Variants in SLC9D1 observed in about 807,000 individuals in gnomAD.
The protein encoded by SLC9D1 is putative LAG1-interacting protein.
chr13:113,539,047 T>C, the SLC9D1 span, among the ~76,000 whole-genome samples: 5 of 152,268 alleles, frequency 3.3e-5, no homozygotes, highest in African/African-American at 1.2e-4. The surrounding 1 kb of genome is among the most constrained non-coding windows in gnomAD (Gnocchi z 4.8). Flanking sequence ...CAAGAAAATG[T>C]ATCACAAATA....
the SLC9D1 span, chr13:113,520,561 CT>C: frequency 8.0e-7 from 1 of 1,247,684 alleles, no homozygotes; most frequent in Non-Finnish European, 1.2e-6. Context: ...AATATTTTGA[CT>C]TTGGATACTT....
chr13:113,519,646 G>A, the SLC9D1 span, among the ~76,000 whole-genome samples: 1 of 152,188 alleles, frequency 6.6e-6, no homozygotes, highest in African/African-American at 2.4e-5. Flanking sequence ...CATTCCGTGT[G>A]GTGGCTTGGG....
At chr13:113,533,976 A>G in the SLC9D1 span, 373,629 of 1,217,590 alleles carry the variant, frequency 0.31, 63,354 homozygotes, top group African/African-American at 0.64. Context: ...AAAAACTGAA[A>G]GATTATTTTA....
the SLC9D1 span, chr13:113,495,770 G>A: frequency 6.2e-7 from 1 of 1,614,166 alleles, no homozygotes; most frequent in Non-Finnish European, 8.5e-7. Context: ...TTCTCCGCCA[G>A]AAGAATGCAG....
At chr13:113,534,888 T>C in the SLC9D1 span, 1 of 152,068 alleles carries the variant, frequency 6.6e-6, no homozygotes, top group African/African-American at 2.4e-5. Flanking sequence ...GAGACCATCC[T>C]GGCTAACATG....
chr13:113,517,265 C>T, the SLC9D1 span, among the ~76,000 whole-genome samples: 1 of 152,180 alleles, frequency 6.6e-6, no homozygotes, highest in Non-Finnish European at 1.5e-5. Flanking sequence ...AGGAGTCTCG[C>T]TCTGTCGCCC....
the SLC9D1 span, among the ~76,000 whole-genome samples, chr13:113,503,011 G>A: frequency 6.6e-6 from 1 of 152,248 alleles, no homozygotes; most frequent in Non-Finnish European, 1.5e-5. Flanking sequence ...ATGGCCTCTG[G>A]GAAGAACGGC....
At chr13:113,503,671 A>G in the SLC9D1 span, 1 of 776,206 alleles carries the variant, frequency 1.3e-6, no homozygotes, top group Non-Finnish European at 2.2e-6. Context: ...ACACTTGTTG[A>G]TGAATTCACT....
the SLC9D1 span, among the ~76,000 whole-genome samples, chr13:113,518,166 T>C: frequency 6.6e-6 from 1 of 152,312 alleles, no homozygotes; most frequent in East Asian, 1.9e-4. Flanking sequence ...TTAGAGAAAT[T>C]GTAATATTTC....
At chr13:113,548,265 C>T in the SLC9D1 span, 1 of 1,609,366 alleles carries the variant, frequency 6.2e-7, no homozygotes, top group Non-Finnish European at 8.5e-7. Context: ...CTGTGTGGGT[C>T]CAGTCTTCAG....
chr13:113,494,068 T>C, the SLC9D1 span, among the ~76,000 whole-genome samples: 6 of 152,254 alleles, frequency 3.9e-5, no homozygotes, highest in East Asian at 9.6e-4. Flanking sequence ...AGTATAGATA[T>C]ATAGATACAT....
chr13:113,516,984 C>T, the SLC9D1 span, among the ~76,000 whole-genome samples: 1 of 152,182 alleles, frequency 6.6e-6, no homozygotes, highest in South Asian at 2.1e-4. Flanking sequence ...CAGAGGCCTC[C>T]GTGGGCAGGG....
chr13:113,543,028 C>T, the SLC9D1 span, among the ~76,000 whole-genome samples: 3,560 of 132,154 alleles, frequency 0.027, 187 homozygotes, highest in African/African-American at 0.11. Flanking sequence ...TCTGCACCCC[C>T]GGCCCTCCGT....
the SLC9D1 span, among the ~76,000 whole-genome samples, chr13:113,510,992 C>T: frequency 5.9e-5 from 7 of 118,616 alleles, 2 homozygotes; most frequent in South Asian, 5.0e-4. Flanking sequence ...CAGTGGAAGC[C>T]GACTCACTCG....
the SLC9D1 span, chr13:113,495,597 A>G: frequency 6.5e-7 from 1 of 1,541,776 alleles, no homozygotes; most frequent in Non-Finnish European, 8.7e-7. Context: ...GGTGTTGGGA[A>G]GAAGCTTCTT....
chr13:113,531,375 G>A, the SLC9D1 span, among the ~76,000 whole-genome samples: 2 of 152,342 alleles, frequency 1.3e-5, no homozygotes, highest in South Asian at 2.1e-4. Context: ...GTCCAAACAC[G>A]CTGAGACAGT....
the SLC9D1 span, chr13:113,491,284 G>C: frequency 6.5e-6 from 1 of 152,708 alleles, no homozygotes; most frequent in South Asian, 2.1e-4. Context: ...GTGAGCACCA[G>C]GCCCGTCCAT....
chr13:113,520,657 A>G, the SLC9D1 span: 5 of 1,614,032 alleles, frequency 3.1e-6, no homozygotes, highest in East Asian at 1.1e-4. Flanking sequence ...CATGCTGGTG[A>G]CGCAGGACGT....
chr13:113,534,658 G>A, the SLC9D1 span: 27 of 206,722 alleles, frequency 1.3e-4, no homozygotes, highest in Non-Finnish European at 1.8e-4. Flanking sequence ...GGGCGTGGTC[G>A]CGCTCATGTA....
Sources: gnomAD v4.1 joint callset for allele counts (sites outside exome capture counted in the v4.1 genomes callset) on GRCh38, gnomAD v4.1.1 for gene constraint, Gnocchi (gnomAD v3.1) non-coding constraint, MANE v1.5 for transcripts, NCBI Gene and HGNC (gene_info 2026-07-23, HGNC 2026-07-21) for gene names.